Variants in KIF14 observed in about 807,000 individuals in gnomAD.
The protein encoded by KIF14 is kinesin family member 14, also known as kinesin-like protein KIF14.
A neutral mutation model predicts 176.2 loss-of-function variants in KIF14; 98 were observed. The ratio of observed to expected loss-of-function variants is 0.56; its 90% CI spans 0.47 to 0.66. KIF14 has a LOEUF of 0.66. Ranked by LOEUF, KIF14 falls within the 30% of genes least tolerant of loss-of-function variation. The pLI is 0.00. For missense variants in KIF14, 1,751 were observed against 1,920.4 expected (o/e 0.91, Z 1.65); for synonymous variants, 566 against 632.2 (o/e 0.90, Z 1.57).
chr1:200,615,766 T>C (rs997614007), intron 2 of KIF14, among the ~76,000 whole-genome samples, 157 bp from the exon 3 acceptor site: 9 of 152,196 alleles, frequency 5.9e-5, no homozygotes, highest in Admixed American at 5.9e-4. Flanking sequence ...CAAACATAAT[T>C]CTAGTGGGTT....
chr1:200,577,859 G>C (rs1217789776), intron 21 of KIF14, among the ~76,000 whole-genome samples: 1 of 151,860 alleles, frequency 6.6e-6, no homozygotes, highest in Admixed American at 6.6e-5. Flanking sequence ...TTCTAGAATA[G>C]TTTAAACAGA....
intron 21 of KIF14, among the ~76,000 whole-genome samples, chr1:200,576,715 A>G (rs1388136056): frequency 1.3e-5 from 2 of 152,176 alleles, no homozygotes; most frequent in Non-Finnish European, 1.5e-5. Context: ...AACATTGTCA[A>G]TGCTTTGGTA....
At chr1:200,580,923 A>G (rs1236610616) in intron 20 of KIF14, among the ~76,000 whole-genome samples, 1 of 152,020 alleles carries the variant, frequency 6.6e-6, no homozygotes, top group Non-Finnish European at 1.5e-5. Flanking sequence ...AGCCTGGCCA[A>G]CGTGGTGAAA....
chr1:200,572,547 G>A (rs967053644), intron 22 of KIF14, among the ~76,000 whole-genome samples: 1 of 152,116 alleles, frequency 6.6e-6, no homozygotes, highest in Admixed American at 6.5e-5. Context: ...GTTTCACCGT[G>A]TTAGCCAGGA....
At chr1:200,574,937 A>ATTTTTT (rs35584654) in intron 22 of KIF14, among the ~76,000 whole-genome samples, 22 of 110,666 alleles carry the variant, frequency 2.0e-4, no homozygotes, top group East Asian at 5.3e-4. Context: ...AGAAAGGGTA[A>ATTTTTT]TTTTTTTTTT....
intron 14 of KIF14, among the ~76,000 whole-genome samples, chr1:200,594,356 C>T (rs1659215629): frequency 7.6e-6 from 1 of 131,832 alleles, no homozygotes; most frequent in Non-Finnish European, 1.6e-5. Context: ...CAAAAACCTT[C>T]CCCCAAAAAT....
At chr1:200,587,728 A>ATC (rs1658828824) in intron 18 of KIF14, among the ~76,000 whole-genome samples, 1 of 152,176 alleles carries the variant, frequency 6.6e-6, no homozygotes, top group African/African-American at 2.4e-5. Context: ...AGGCAGCAGA[A>ATC]TCTCTGGAAG....
In KIF14 at chr1:200,553,752, A is replaced by T. The variant is rs371492905; in HGVS notation, c.4583T>A (p.Ile1528Lys). Reference sequence around the variant, plus strand: ...TTCAACACAAGTCTGGAGAAGATTTATATCACTATGGCATCCTATATGCAA... The same window carrying T: ...TTCAACACAAGTCTGGAGAAGATTTTTATCACTATGGCATCCTATATGCAA... ...ISALKGCHSD[I>K]NLLQTCVESI... The change falls in exon 30 of 30, where the codon ATA becomes AAA. Residue 1528 changes from isoleucine to lysine, a missense_variant. By Grantham distance (102) the Ile-to-Lys change is moderately radical. Coordinates refer to ENST00000367350, the MANE Select transcript of KIF14 (RefSeq NM_014875.3). 1.1e-5 allele frequency: 18 copies of T among 1,602,744 alleles called. No homozygotes were observed. The highest frequency in any genetic ancestry group is 1.5e-5 in the Non-Finnish European group (17 of 1,172,214).
At chr1:200,591,639 G>A (rs1249195270) in intron 16 of KIF14, among the ~76,000 whole-genome samples, 2 of 152,194 alleles carry the variant, frequency 1.3e-5, no homozygotes, top group Non-Finnish European at 2.9e-5. Context: ...CACTCTCCCA[G>A]TCTTCCTCTG....
At chr1:200,571,923 T>A (rs376682132) in intron 22 of KIF14, among the ~76,000 whole-genome samples, 1 of 152,328 alleles carries the variant, frequency 6.6e-6, no homozygotes, top group African/African-American at 2.4e-5. Flanking sequence ...AGAGGGAAAT[T>A]TACTTTTAAT....
intron 14 of KIF14, among the ~76,000 whole-genome samples, chr1:200,594,832 A>G (rs985347692): frequency 6.6e-6 from 1 of 152,260 alleles, no homozygotes; most frequent in African/African-American, 2.4e-5. Context: ...AGAGAAAAGT[A>G]CATGGAAACA....
At chr1:200,577,383 C>T in intron 21 of KIF14, among the ~76,000 whole-genome samples, 1 of 151,994 alleles carries the variant, frequency 6.6e-6, no homozygotes, top group South Asian at 2.1e-4. Context: ...TTCTTGAACT[C>T]CTGGGCTCAA....
At chr1:200,604,041 A>G in intron 8 of KIF14, 86 bp from the exon 9 acceptor site, 1 of 784,324 alleles carries the variant, frequency 1.3e-6, no homozygotes, top group Non-Finnish European at 2.2e-6. Flanking sequence ...GTAAAAGATT[A>G]CACATCACTC....
chr1:200,591,627 T>G (rs1241924132), intron 16 of KIF14, among the ~76,000 whole-genome samples: 3 of 152,222 alleles, frequency 2.0e-5, no homozygotes, highest in Admixed American at 2.0e-4. Context: ...AAAACAAAAG[T>G]ACACTCTCCC....
At chr1:200,619,154 T>C (rs1047129939) in intron 1 of KIF14, among the ~76,000 whole-genome samples, 2 of 152,228 alleles carry the variant, frequency 1.3e-5, no homozygotes, top group Non-Finnish European at 2.9e-5. Flanking sequence ...TCAGGCCAAA[T>C]GTGTCAAGTG....
chr1:200,580,207 CTTTT>C (rs762556394), intron 21 of KIF14, 43 bp downstream of exon 21: 2 of 1,057,202 alleles, frequency 1.9e-6, no homozygotes, highest in Non-Finnish European at 1.3e-6. Flanking sequence ...AACTTTTATA[CTTTT>C]TTATTTTAAA....
At chr1:200,573,423 A>ATTT (rs1657921825) in intron 22 of KIF14, among the ~76,000 whole-genome samples, 13 of 84,412 alleles carry the variant, frequency 1.5e-4, no homozygotes, top group African/African-American at 7.8e-4. Context: ...CAAGGAGCTC[A>ATTT]TTTCTTTTTT....
At chr1:200,573,845 A>T (rs1657959577) in intron 22 of KIF14, among the ~76,000 whole-genome samples, 1 of 152,240 alleles carries the variant, frequency 6.6e-6, no homozygotes, top group South Asian at 2.1e-4. Context: ...ATGGATTTTG[A>T]TCTGCAGCTG....
Position 200,618,606 on chromosome 1 carries a change from A to T in KIF14, c.118T>A (p.Leu40Met). The T allele has an allele frequency of 6.2e-7, 1 of 1,614,158 alleles. No homozygotes were observed. ...TCACATTCTGACATATCCGACTTCA[A>T]ATGCAGCTTAAGTCGGCTACTGTGG... The part of the protein sequence containing the change: ...LTHSSRLKLH[L>M]KSDMSECEND... Residue 40 changes from leucine to methionine, a missense_variant, in exon 2 of 30, where the codon TTG (leucine) becomes ATG (methionine). Physicochemically the swap from Leu to Met is conservative, Grantham distance 15 (BLOSUM62 2). Transcript: ENST00000367350.
Sources: gnomAD v4.1 joint callset for allele counts (sites outside exome capture counted in the v4.1 genomes callset) on GRCh38, gnomAD v4.1.1 for gene constraint, MANE v1.5 for transcripts, NCBI Gene and HGNC (gene_info 2026-07-23, HGNC 2026-07-21) for gene names.